ASF1B: variants seen among roughly 807,000 people sequenced by gnomAD.
The protein encoded by ASF1B is histone chaperone ASF1B.
Under a neutral mutation model 16.6 loss-of-function variants are expected in ASF1B, and 10 were observed. That is an observed-to-expected ratio of 0.60 (90% CI 0.37 to 1.02). The LOEUF (loss-of-function observed/expected upper bound fraction) is 1.02. ASF1B is among the 50% of genes least tolerant of loss of function. ASF1B has a pLI of 0.01. For synonymous variants in ASF1B, 101 were observed against 106.2 expected (o/e 0.95, Z 0.30); for missense variants, 240 against 266.0 (o/e 0.90, Z 0.68).
intron 1 of ASF1B, among the ~76,000 whole-genome samples, chr19:14,132,964 CAA>C (rs1265588147): frequency 1.3e-5 from 2 of 151,584 alleles, no homozygotes; most frequent in African/African-American, 4.8e-5. Context: ...ACTAAAAATC[CAA>C]AAAGTTAGCT....
At chr19:14,133,365 T>C (rs1159351360) in intron 1 of ASF1B, among the ~76,000 whole-genome samples, 1 of 152,076 alleles carries the variant, frequency 6.6e-6, no homozygotes, top group Non-Finnish European at 1.5e-5. Context: ...ACTCCATTTC[T>C]ATTAAAAAAT....
chr19:14,125,792 AT>A (rs1312361340), intron 2 of ASF1B, among the ~76,000 whole-genome samples: 1 of 152,076 alleles, frequency 6.6e-6, no homozygotes, highest in African/African-American at 2.4e-5. Flanking sequence ...GCCTCAAGCA[AT>A]CCTCCCACCT....
intron 2 of ASF1B, among the ~76,000 whole-genome samples, chr19:14,124,207 G>A (rs1967284807): frequency 6.6e-6 from 1 of 152,128 alleles, no homozygotes. Context: ...AGAATGCAGT[G>A]CAGAGGTGCA....
intron 2 of ASF1B, among the ~76,000 whole-genome samples, chr19:14,122,819 G>C (rs983517026): frequency 1.3e-5 from 2 of 152,130 alleles, no homozygotes; most frequent in African/African-American, 4.8e-5. Flanking sequence ...CAGGCCACCC[G>C]GGGGCCAGCT....
At position 14,130,324 on chromosome 19, in the gene ASF1B, G is replaced by A. The variant is rs1482643248; in HGVS notation, c.110-4087C>T. ...GATCCGCCTGCCTTGGCCTCCCAAA[G>A]TGCTGGGATTACAGGCATGAGCCAC... On this transcript the variant is annotated intron_variant, in intron 1 of 3. Coordinates refer to ENST00000263382, the MANE Select transcript of ASF1B (RefSeq NM_018154.3). Among the ~76,000 whole-genome samples the A allele has an allele frequency of 7.2e-5, 11 of 151,832 alleles. No homozygotes were observed. The East Asian group carries it at 1.8e-3, about 24-fold the overall frequency.
chr19:14,120,886 T>C (rs1967225402), intron 3 of ASF1B, among the ~76,000 whole-genome samples: 1 of 152,008 alleles, frequency 6.6e-6, no homozygotes, highest in Non-Finnish European at 1.5e-5. Flanking sequence ...AATGCTGTGA[T>C]CTCGTCTCAC....
At chr19:14,133,951 C>G (rs1386020759) in intron 1 of ASF1B, among the ~76,000 whole-genome samples, 1 of 151,738 alleles carries the variant, frequency 6.6e-6, no homozygotes, top group Non-Finnish European at 1.5e-5. Flanking sequence ...CTACAGGCGC[C>G]CGCCACCACG....
intron 1 of ASF1B, among the ~76,000 whole-genome samples, chr19:14,133,525 A>T (rs190411000): frequency 6.6e-6 from 1 of 152,024 alleles, no homozygotes; most frequent in Non-Finnish European, 1.5e-5. Flanking sequence ...AAAATTAGCC[A>T]GGCGTCATAG....
chr19:14,130,787 G>GTATATATATATATA (rs61351900), intron 1 of ASF1B, among the ~76,000 whole-genome samples: 45 of 142,470 alleles, frequency 3.2e-4, no homozygotes, highest in African/African-American at 9.7e-4. Context: ...GTGTTTGTGT[G>GTATATATATATATA]TATATATATA....
At chr19:14,134,712 A>C (rs942219500) in intron 1 of ASF1B, among the ~76,000 whole-genome samples, 17 of 152,072 alleles carry the variant, frequency 1.1e-4, no homozygotes, top group African/African-American at 3.9e-4. Context: ...CATCTGTGAG[A>C]TGAGAGCCAT....
At chr19:14,122,401 T>C (rs1340387424) in intron 2 of ASF1B, among the ~76,000 whole-genome samples, 1 of 151,132 alleles carries the variant, frequency 6.6e-6, no homozygotes, top group African/African-American at 2.4e-5. Flanking sequence ...GGCCTCCCTC[T>C]GTTACCCAGG....
At chr19:14,123,611 A>G (rs1203041391) in intron 2 of ASF1B, among the ~76,000 whole-genome samples, 1 of 151,274 alleles carries the variant, frequency 6.6e-6, no homozygotes, top group African/African-American at 2.4e-5. Flanking sequence ...CAATCTCCTG[A>G]CCTTGTGATC....
rs1319117727 is a variant in ASF1B at position 14,136,349 on chromosome 19, G to A, written c.108C>T (p.Asp36=). 2 of 1,612,894 alleles carry A rather than the reference G, an allele frequency of 1.2e-6. No homozygotes were observed. The highest frequency in any genetic ancestry group is 1.7e-6 in the Non-Finnish European group (2 of 1,179,160). The change falls in exon 1 of 4, where the codon GAC becomes GAT. Residue 36 remains aspartate (D), a splice_region_variant and synonymous_variant. Transcript: ENST00000263382. ...GTCCCCGCACAGGCCCAGCCTCACCGTCCGCCAGGGCTTCACTGCACTCGA... is the reference window on the plus strand; with the variant it reads ...GTCCCCGCACAGGCCCAGCCTCACCATCCGCCAGGGCTTCACTGCACTCGA... ...ISFECSEALA[D]DLEWKIIYVG...
At chr19:14,126,262 T>C (rs1380492016) in intron 1 of ASF1B, 25 bp from the exon 2 acceptor site, 1 of 1,541,366 alleles carries the variant, frequency 6.5e-7, no homozygotes, top group South Asian at 1.1e-5. Flanking sequence ...GAGGGTTAAC[T>C]AATTGAAATA....
chr19:14,120,931 T>C (rs917757414), intron 3 of ASF1B, among the ~76,000 whole-genome samples: 2 of 152,038 alleles, frequency 1.3e-5, no homozygotes, highest in African/African-American at 4.8e-5. Flanking sequence ...AGCGATTCTC[T>C]TGCCTCAGCC....
intron 1 of ASF1B, among the ~76,000 whole-genome samples, chr19:14,128,948 G>A (rs1161441451): frequency 2.0e-5 from 3 of 152,182 alleles, no homozygotes; most frequent in Admixed American, 6.5e-5. Context: ...TGGGAAGGTA[G>A]ACAAAAAAGA....
At chr19:14,121,973 C>T (rs1236410391) in intron 2 of ASF1B, among the ~76,000 whole-genome samples, 1 of 151,472 alleles carries the variant, frequency 6.6e-6, no homozygotes, top group East Asian at 1.9e-4. Flanking sequence ...CTCTGTTGCC[C>T]AGGCTGAAGT....
intron 1 of ASF1B, among the ~76,000 whole-genome samples, chr19:14,126,465 T>C (rs375342832): frequency 9.2e-5 from 14 of 152,070 alleles, no homozygotes; most frequent in African/African-American, 3.4e-4. Flanking sequence ...CTGCCACGCC[T>C]AGCTAATTTT....
At chr19:14,124,315 G>A (rs1433568570) in intron 2 of ASF1B, among the ~76,000 whole-genome samples, 9 of 151,930 alleles carry the variant, frequency 5.9e-5, no homozygotes, top group East Asian at 1.9e-4. Context: ...CACCACACCC[G>A]GCTAATTTTT....
Sources: allele counts gnomAD v4.1 joint callset (sites outside exome capture counted in the v4.1 genomes callset), GRCh38; gene constraint gnomAD v4.1.1; transcripts MANE v1.5; gene names NCBI Gene and HGNC (gene_info 2026-07-23, HGNC 2026-07-21).